PARP14: variants seen among roughly 807,000 people sequenced by gnomAD.
PARP14 encodes the protein poly(ADP-ribose) polymerase family member 14.
A neutral mutation model predicts 154.2 loss-of-function variants in PARP14; 59 were observed. The ratio of observed to expected loss-of-function variants is 0.38; its 90% CI spans 0.31 to 0.48. The LOEUF is 0.48. PARP14 is among the 20% of genes least tolerant of loss of function. The probability of loss-of-function intolerance (pLI) is 0.98; values close to 1 mark genes in which losing one functional copy is unlikely to be tolerated. For synonymous variants in PARP14, 720 were observed against 780.5 expected (o/e 0.92, Z 1.29); for missense variants, 1,734 against 2,131.6 (o/e 0.81, Z 3.67).
intron 3 of PARP14, among the ~76,000 whole-genome samples, chr3:122,688,076 T>G (rs1245164197): frequency 6.6e-6 from 1 of 150,442 alleles, no homozygotes; most frequent in Non-Finnish European, 1.5e-5. Context: ...AGGAGTTTTA[T>G]GAAATAGGAT....
chr3:122,709,751 C>T (rs1331273882), intron 9 of PARP14, among the ~76,000 whole-genome samples: 3 of 152,032 alleles, frequency 2.0e-5, no homozygotes, highest in African/African-American at 2.4e-5. Flanking sequence ...AGTAAGGAGG[C>T]ATCTCATTGT....
Position 122,699,664 on chromosome 3 carries a change from C to A in PARP14, c.1110C>A (p.Ala370=), listed in dbSNP as rs1172282884. 1 of 1,614,014 alleles carries A rather than the reference C, an allele frequency of 6.2e-7. No individual in the cohort carries two copies. Among genetic ancestry groups the A allele is most frequent in the East Asian group, 2.2e-5 (1 of 44,886 alleles). The change falls in exon 6 of 17, where the codon GCC becomes GCA. Residue 370 remains alanine (A), a synonymous_variant. Coordinates refer to ENST00000474629, the MANE Select transcript of PARP14 (RefSeq NM_017554.3). ...GTAAAGTTACCATCAGACCAGCAGC[C>A]ACCTTAGTCAATGAAGGAAGACCGA... The part of the protein sequence containing the change: ...LSGKVTIRPA[A]TLVNEGRPRI...
intron 12 of PARP14, among the ~76,000 whole-genome samples, chr3:122,716,385 T>C (rs1932998786): frequency 6.6e-6 from 1 of 152,178 alleles, no homozygotes; most frequent in Non-Finnish European, 1.5e-5. Context: ...AGGAATTATT[T>C]GATTGAATAT....
At chr3:122,712,741 T>C (rs549011261) in intron 9 of PARP14, among the ~76,000 whole-genome samples, 4 of 150,342 alleles carry the variant, frequency 2.7e-5, no homozygotes, top group Admixed American at 2.0e-4. Flanking sequence ...TTTGTAGAGA[T>C]GGGGTTTCAC....
intron 16 of PARP14, 114 bp downstream of exon 16, chr3:122,728,100 G>C (rs1933335535): frequency 9.6e-7 from 1 of 1,036,964 alleles, no homozygotes; most frequent in South Asian, 1.6e-5. Flanking sequence ...CCATGTTGCA[G>C]CCCGAGTTTC....
chr3:122,692,380 A>G lies in PARP14; in HGVS notation c.435A>G (p.Glu145=), dbSNP rs1221783940. 14 of 1,613,336 alleles carry G rather than the reference A, an allele frequency of 8.7e-6. No individual in the cohort carries two copies. Among genetic ancestry groups the G allele is most frequent in the Non-Finnish European group, 1.2e-5 (14 of 1,179,288 alleles). Residue 145 remains glutamate, a synonymous_variant, in exon 4 of 17, where the codon GAA becomes GAG. Coordinates refer to ENST00000474629, the MANE Select transcript of PARP14 (RefSeq NM_017554.3). ...TGGAAGATATCCCAGAGGAATGTGA[A>G]AATATTTCCTCTTTGGTGGCATTTG... ...DKMEDIPEEC[E]NISSLVAFEN...
chr3:122,705,683 A>G (rs1416900677), intron 8 of PARP14, among the ~76,000 whole-genome samples: 1 of 152,214 alleles, frequency 6.6e-6, no homozygotes, highest in East Asian at 1.9e-4. Flanking sequence ...AATTGATCAA[A>G]CAGATTAAGA....
chr3:122,691,377 A>G (rs988788548), intron 3 of PARP14, among the ~76,000 whole-genome samples: 2 of 152,206 alleles, frequency 1.3e-5, no homozygotes, highest in Non-Finnish European at 2.9e-5. Flanking sequence ...CCTTGTGTGT[A>G]TGTGTAACTC....
intron 1 of PARP14, chr3:122,683,373 C>T: frequency 1.6e-6 from 1 of 612,816 alleles, no homozygotes; most frequent in East Asian, 1.4e-4. Flanking sequence ...AGAATGAGCC[C>T]ACCAGCACTT....
chr3:122,681,069 C>A lies in PARP14; in HGVS notation c.186C>A (p.Asp62Glu), dbSNP rs1390863507. The change falls in exon 1 of 17, where the codon GAC becomes GAA. Residue 62 changes from aspartate (D) to glutamate (E), a missense_variant and splice_region_variant. Around this residue, in one of 2 missense-constraint regions of PARP14, gnomAD observed 1,646 missense variants for 1,976.0 expected, o/e 0.83. Transcript: ENST00000474629. This position sits in a 1 kb window ranked among gnomAD's most constrained non-coding sequence, Gnocchi z 5.5. ...SRFLVFFYPE[D>E]VRQKVLERKN... ...TCCTGGTGTTCTTCTACCCGGAGGA[C>A]GGTGAGGGGCGCGAGGGGTGGGGTG... is the stretch of plus-strand genomic sequence containing the variant. The A allele has an allele frequency of 1.9e-6, 3 of 1,561,136 alleles. No homozygotes were observed. In the African/African-American group the frequency reaches 4.1e-5, roughly 21 times the overall value.
At chr3:122,685,418 A>G in intron 2 of PARP14, 100 bp downstream of exon 2, 1 of 1,081,746 alleles carries the variant, frequency 9.2e-7, no homozygotes, top group Non-Finnish European at 1.4e-6. Flanking sequence ...AAAAGCATGA[A>G]GCAAACTGCA....
chr3:122,704,071 C>T (rs1939071699), intron 7 of PARP14, 93 bp downstream of exon 7: 1 of 805,170 alleles, frequency 1.2e-6, no homozygotes, highest in African/African-American at 1.7e-5. Flanking sequence ...TGGGCCTTGT[C>T]TGTTTCTCTT....
At position 122,705,158 on chromosome 3, in the gene PARP14, A is replaced by G. The variant is rs117176899; in HGVS notation, c.3540+410A>G. 1.2e-4 allele frequency among the ~76,000 whole-genome samples: 19 copies of G among 152,364 alleles called. No individual in the cohort carries two copies. The South Asian group carries it at 1.7e-3, about 13-fold the overall frequency. On this transcript the variant is annotated intron_variant, in intron 8 of 16. Transcript: ENST00000474629. Reference sequence around the variant, plus strand: ...TTCAACATTTATTTTAAACAATAACAATTCTTTTTAAAAAAGTAACATAAC... The same window carrying G: ...TTCAACATTTATTTTAAACAATAACGATTCTTTTTAAAAAAGTAACATAAC...
At chr3:122,690,478 C>T (rs898482947) in intron 3 of PARP14, among the ~76,000 whole-genome samples, 3 of 152,074 alleles carry the variant, frequency 2.0e-5, no homozygotes, top group Non-Finnish European at 4.4e-5. Context: ...AACAAACAAC[C>T]TCCCAAATCA....
chr3:122,710,223 G>A (rs1939280694), intron 9 of PARP14, among the ~76,000 whole-genome samples: 1 of 152,100 alleles, frequency 6.6e-6, no homozygotes. Flanking sequence ...TCCATTTTGA[G>A]TTGATTTTTA....
chr3:122,682,619 A>G (rs901694740), intron 1 of PARP14, among the ~76,000 whole-genome samples: 1 of 152,314 alleles, frequency 6.6e-6, no homozygotes, highest in South Asian at 2.1e-4. Flanking sequence ...TAGCCCTCCA[A>G]GCAGAAAAGA....
chr3:122,683,831 G>A (rs1938288647), intron 1 of PARP14, among the ~76,000 whole-genome samples: 1 of 152,170 alleles, frequency 6.6e-6, no homozygotes, highest in African/African-American at 2.4e-5. Flanking sequence ...CTTTATCAAA[G>A]TCTAGGGAAT....
At chr3:122,716,732 C>T (rs1010925497) in intron 12 of PARP14, among the ~76,000 whole-genome samples, 1 of 152,146 alleles carries the variant, frequency 6.6e-6, no homozygotes, top group Admixed American at 6.6e-5. Context: ...CTAACTAGAC[C>T]TGGGCTCCCC....
intron 3 of PARP14, among the ~76,000 whole-genome samples, chr3:122,691,667 T>C (rs1277429956): frequency 6.6e-6 from 1 of 152,170 alleles, no homozygotes; most frequent in Non-Finnish European, 1.5e-5. Flanking sequence ...GAGCCTCAAT[T>C]ATATACCATA....
Sources: allele counts gnomAD v4.1 joint callset (sites outside exome capture counted in the v4.1 genomes callset), GRCh38; gene constraint gnomAD v4.1.1; regional missense constraint gnomAD v4.1.1; non-coding constraint Gnocchi (gnomAD v3.1); transcripts MANE v1.5; gene names NCBI Gene and HGNC (gene_info 2026-07-23, HGNC 2026-07-21).